Variants in GPC3 observed in about 807,000 individuals in gnomAD.
GPC3 encodes the protein glypican 3.
Under a neutral mutation model 34.4 loss-of-function variants are expected in GPC3, and 3 were observed. The observed-to-expected ratio is 0.09, with a 90% CI of 0.04 to 0.23. GPC3 has a LOEUF of 0.23. Among genes scored for constraint, GPC3 ranks in the 10% least tolerant of loss-of-function variants. The probability of loss-of-function intolerance (pLI) is 1.00; values close to 1 mark genes in which losing one functional copy is unlikely to be tolerated. For missense variants in GPC3, 351 were observed against 445.6 expected (o/e 0.79, Z 1.91); for synonymous variants, 177 against 174.0 (o/e 1.02, Z -0.13).
At chrX:133,846,154 T>C (rs1446345446) in intron 2 of GPC3, among the ~76,000 whole-genome samples, 1 of 112,355 alleles carries the variant, frequency 8.9e-6, no homozygotes, top group East Asian at 2.8e-4. Context: ...TACCAGGCAC[T>C]ACCTCTAAAG....
At chrX:133,731,244 T>C (rs7060121) in intron 3 of GPC3, among the ~76,000 whole-genome samples, 7,567 of 112,601 alleles carry the variant, frequency 0.067, 656 homozygotes, top group African/African-American at 0.23. Flanking sequence ...CCCTGGTTTA[T>C]ATAAATGCCA....
intron 2 of GPC3, among the ~76,000 whole-genome samples, chrX:133,785,436 G>C (rs896548430): frequency 1.8e-5 from 2 of 111,746 alleles, no homozygotes; most frequent in African/African-American, 6.5e-5. Flanking sequence ...GGAAATGATA[G>C]TACCTATCTC....
intron 2 of GPC3, among the ~76,000 whole-genome samples, chrX:133,759,509 G>T (rs1366487439): frequency 2.7e-5 from 3 of 112,023 alleles, no homozygotes; most frequent in Non-Finnish European, 5.6e-5. Flanking sequence ...ACAATTCAAT[G>T]GAGAAAGAAT....
chrX:133,830,730 T>C (rs1245492169), intron 2 of GPC3, among the ~76,000 whole-genome samples: 1 of 44,820 alleles, frequency 2.2e-5, no homozygotes. Context: ...AAAGAAAACA[T>C]AGGAGATGTT....
At chrX:133,541,264 A>C (rs5977890) in intron 7 of GPC3, among the ~76,000 whole-genome samples, 1,447 of 110,149 alleles carry the variant, frequency 0.013, 23 homozygotes, top group African/African-American at 0.041. Context: ...AAAACAAAAA[A>C]AAAACCCTAC....
intron 2 of GPC3, among the ~76,000 whole-genome samples, chrX:133,863,178 C>A (rs968298721): frequency 8.9e-6 from 1 of 112,312 alleles, no homozygotes; most frequent in Admixed American, 9.4e-5. Flanking sequence ...TGATAAGCCC[C>A]TAGAAACAGC....
At chrX:133,675,047 CT>C (rs1193096059) in intron 5 of GPC3, among the ~76,000 whole-genome samples, 1 of 111,817 alleles carries the variant, frequency 8.9e-6, no homozygotes, top group East Asian at 2.8e-4. Context: ...TGTGTGGCAT[CT>C]CTAGAATATG....
intron 2 of GPC3, among the ~76,000 whole-genome samples, chrX:133,924,243 G>A (rs936675291): frequency 1.3e-4 from 14 of 111,184 alleles, no homozygotes; most frequent in Non-Finnish European, 1.7e-4. Flanking sequence ...TGAGTTTATC[G>A]CACAATATAT....
intron 1 of GPC3, among the ~76,000 whole-genome samples, chrX:133,954,116 G>GA (rs1174622051): frequency 2.7e-4 from 30 of 111,904 alleles, no homozygotes; most frequent in African/African-American, 8.8e-4. Flanking sequence ...CTAAAAAACA[G>GA]AAACTAATCT....
chrX:133,765,842 G>A (rs1387933878), intron 2 of GPC3, among the ~76,000 whole-genome samples: 2 of 111,838 alleles, frequency 1.8e-5, no homozygotes, highest in Non-Finnish European at 3.8e-5. Context: ...GTGCATTCCA[G>A]CCCTCCTTTC....
At chrX:133,949,269 T>G (rs2076382231) in intron 2 of GPC3, among the ~76,000 whole-genome samples, 1 of 112,261 alleles carries the variant, frequency 8.9e-6, no homozygotes, top group Non-Finnish European at 1.9e-5. Flanking sequence ...TGGACTTTCC[T>G]TATTTACTTG....
At chrX:133,704,481 T>C (rs2071197540) in intron 3 of GPC3, among the ~76,000 whole-genome samples, 1 of 106,610 alleles carries the variant, frequency 9.4e-6, no homozygotes, top group South Asian at 4.3e-4. Context: ...AGGAAAGCTG[T>C]GGATTTTTAT....
intron 6 of GPC3, among the ~76,000 whole-genome samples, chrX:133,622,991 T>TG (rs2124360673): frequency 9.0e-6 from 1 of 111,572 alleles, no homozygotes; most frequent in African/African-American, 3.3e-5. Context: ...CAGAAGAGAG[T>TG]GGGGGCCAAT....
At chrX:133,598,715 TATATC>T (rs1263591267) in intron 6 of GPC3, among the ~76,000 whole-genome samples, 5 of 111,941 alleles carry the variant, frequency 4.5e-5, no homozygotes, top group African/African-American at 1.3e-4. Context: ...TATAAATAAA[TATATC>T]ATATCCTGTT....
chrX:133,728,259 A>C (rs1377194290), intron 3 of GPC3, among the ~76,000 whole-genome samples: 1 of 111,733 alleles, frequency 8.9e-6, no homozygotes, highest in Non-Finnish European at 1.9e-5. Flanking sequence ...TGGCCTCTGG[A>C]GACAAAACAC....
At chrX:133,893,597 G>C (rs1320757574) in intron 2 of GPC3, among the ~76,000 whole-genome samples, 1 of 111,294 alleles carries the variant, frequency 9.0e-6, no homozygotes, top group Non-Finnish European at 1.9e-5. Flanking sequence ...ATGATATGCA[G>C]GTTTCCAGCT....
chrX:133,714,339 A>C (rs545531382), intron 3 of GPC3, among the ~76,000 whole-genome samples: 2 of 112,116 alleles, frequency 1.8e-5, no homozygotes, highest in African/African-American at 6.5e-5. Context: ...TATTTTGGAA[A>C]GCATATCTTG....
chrX:133,908,449 G>C (rs2076180595), intron 2 of GPC3, among the ~76,000 whole-genome samples: 1 of 111,434 alleles, frequency 9.0e-6, no homozygotes, highest in Admixed American at 9.6e-5. Context: ...AGTGGGGAAG[G>C]CATGAGGCTT....
At chrX:133,893,156 C>T (rs926310927) in intron 2 of GPC3, among the ~76,000 whole-genome samples, 1 of 111,157 alleles carries the variant, frequency 9.0e-6, no homozygotes, top group African/African-American at 3.3e-5. Context: ...ACTTAGGAGG[C>T]TGAGACAGGA....
Sources: allele counts gnomAD v4.1 joint callset (sites outside exome capture counted in the v4.1 genomes callset), GRCh38; gene constraint gnomAD v4.1.1; transcripts MANE v1.5; gene names NCBI Gene and HGNC (gene_info 2026-07-23, HGNC 2026-07-21).